IGF2R: variants seen among roughly 807,000 people sequenced by gnomAD.
The protein encoded by IGF2R is insulin like growth factor 2 receptor.
Under a neutral mutation model 270.6 loss-of-function variants are expected in IGF2R, and 91 were observed. That is an observed-to-expected ratio of 0.34 (90% confidence interval 0.28 to 0.40). The LOEUF (loss-of-function observed/expected upper bound fraction) is 0.40. Ranked by LOEUF, IGF2R falls within the 10% of genes least tolerant of loss-of-function variation. The pLI is 1.00. For synonymous variants in IGF2R, 1,316 were observed against 1,258.9 expected, an observed-to-expected ratio of 1.05 and a Z score of -0.96; for missense variants, 2,805 against 3,188.3, an observed-to-expected ratio of 0.88 and a Z score of 2.90.
At chr6:160,041,373 C>A (rs1190915181) in intron 11 of IGF2R, among the ~76,000 whole-genome samples, 1 of 152,028 alleles carries the variant, frequency 6.6e-6, no homozygotes, top group Admixed American at 6.5e-5. Context: ...TAATTACCAC[C>A]CAGAACAGTC....
intron 9 of IGF2R, among the ~76,000 whole-genome samples, chr6:160,033,315 T>G (rs1012231521): frequency 2.0e-5 from 3 of 152,188 alleles, no homozygotes; most frequent in African/African-American, 7.2e-5. Flanking sequence ...TTCTGTAGTT[T>G]TTGTAGACAT....
chr6:159,987,223 A>G (rs1302302628), intron 1 of IGF2R, among the ~76,000 whole-genome samples: 1 of 152,212 alleles, frequency 6.6e-6, no homozygotes, highest in African/African-American at 2.4e-5. Flanking sequence ...TTATTATGAA[A>G]TAGTCTTTAA....
In IGF2R at chr6:160,061,658, T is replaced by G. The variant is rs759112368; in HGVS notation, c.3406+12T>G. ...TCCTGGATGCCAGGGTGAGTTCTCC[T>G]TGGTCTCTTGATTGGCGTCTGTTCA... On this transcript the variant is annotated intron_variant, in intron 24 of 47. Transcript: ENST00000356956. 6.2e-7 allele frequency: 1 copy of G among 1,614,060 alleles called. No individual in the cohort carries two copies. Among genetic ancestry groups the G allele is most frequent in the South Asian group, 1.1e-5 (1 of 91,076 alleles).
intron 30 of IGF2R, 45 bp from the exon 31 acceptor site, chr6:160,069,823 T>G (rs1333382898): frequency 6.3e-7 from 1 of 1,581,480 alleles, no homozygotes; most frequent in Non-Finnish European, 8.7e-7. Context: ...TGTTCTAGCC[T>G]GGGGAGTCAC....
At chr6:160,018,899 A>G (rs1013894494) in intron 4 of IGF2R, among the ~76,000 whole-genome samples, 1 of 152,188 alleles carries the variant, frequency 6.6e-6, no homozygotes, top group African/African-American at 2.4e-5. Context: ...ATCACACTTC[A>G]AGGAACTAGA....
At chr6:160,057,185 G>A (rs1176248487) in intron 20 of IGF2R, among the ~76,000 whole-genome samples, 1 of 152,190 alleles carries the variant, frequency 6.6e-6, no homozygotes, top group Non-Finnish European at 1.5e-5. Flanking sequence ...GTGTTAATGT[G>A]CCACTTGAGT....
intron 26 of IGF2R, 86 bp downstream of exon 26, chr6:160,062,705 G>A: frequency 2.2e-6 from 2 of 913,026 alleles, no homozygotes; most frequent in Non-Finnish European, 3.5e-6. Context: ...GAGACCGTGT[G>A]ATAACAGCCA....
chr6:160,090,114 G>A lies in IGF2R; in HGVS notation c.6655+11G>A. ...AGTACTACCTTCAAGGTAATCCGTG[G>A]CTTCCCACAAAGTTCCACATTTAAC... On this transcript the variant is annotated intron_variant, in intron 44 of 47. Coordinates refer to ENST00000356956, the MANE Select transcript of IGF2R (RefSeq NM_000876.4). The A allele has an allele frequency of 2.8e-6, 4 of 1,431,216 alleles. No individual in the cohort carries two copies. The highest frequency in any genetic ancestry group is 3.7e-6 in the Non-Finnish European group (4 of 1,080,634). The allele number at this position is 1,431,216 out of a possible 1,614,324, so 88.7% of individuals were successfully genotyped here.
rs1226327630 is a variant in IGF2R, at chr6:160,058,887, C to T, written c.2899-19C>T. 6 of 1,611,354 alleles carry T rather than the reference C, an allele frequency of 3.7e-6. No individual in the cohort carries two copies. The highest frequency in any genetic ancestry group is 3.3e-5 in the South Asian group (3 of 90,980). On this transcript the variant is annotated intron_variant, in intron 21 of 47. Transcript: ENST00000356956. ...GAGGCATAAATTTGTTTGTATGGCT[C>T]TTACCGTCTGACCTGCAGTTTAATG...
At chr6:160,075,380 G>A (rs1024616820) in intron 35 of IGF2R, among the ~76,000 whole-genome samples, 1 of 152,194 alleles carries the variant, frequency 6.6e-6, no homozygotes, top group East Asian at 1.9e-4. Flanking sequence ...TTACTGCTGG[G>A]CCACGTCAGT....
At chr6:160,040,833 A>G in intron 11 of IGF2R, 109 bp downstream of exon 11, 2 of 1,103,864 alleles carry the variant, frequency 1.8e-6, no homozygotes, top group Non-Finnish European at 2.6e-6. Context: ...GGGTTGCGTC[A>G]CAGCCCTCCC....
intron 33 of IGF2R, 46 bp downstream of exon 33, chr6:160,072,930 TG>T (rs1267557078): frequency 2.5e-6 from 4 of 1,571,320 alleles, no homozygotes; most frequent in Non-Finnish European, 3.4e-6. Context: ...TCCCGTCCTC[TG>T]GGGTTGTCCT....
At chr6:159,997,797 A>G (rs181706189) in intron 2 of IGF2R, among the ~76,000 whole-genome samples, 2 of 152,360 alleles carry the variant, frequency 1.3e-5, no homozygotes, top group Admixed American at 1.3e-4. Context: ...AACTCTGTTC[A>G]GCTGTCTTGA....
intron 2 of IGF2R, among the ~76,000 whole-genome samples, chr6:160,000,725 G>GTTGTTTTTTTTTTTTTTTT (rs1562337908): frequency 3.4e-5 from 4 of 116,072 alleles, no homozygotes; most frequent in African/African-American, 1.4e-4. Flanking sequence ...TTGGTGTGAG[G>GTTGTTTTTTTTTTTTTTTT]TTGTTTTTTT....
chr6:160,074,255 CAAG>C lies in IGF2R; in HGVS notation c.5166+284_5166+286del, dbSNP rs1164433944. Reference sequence around the variant, plus strand: ...CATGAGCCTCAGGGTTGACCCAAATCAAGAAGTTTTTAGGTGAAGTGACAGGAA... The same window carrying C: ...CATGAGCCTCAGGGTTGACCCAAATCAAGTTTTTAGGTGAAGTGACAGGAA... On this transcript the variant is annotated intron_variant, in intron 35 of 47. Transcript: ENST00000356956. Among the ~76,000 whole-genome samples the C allele has an allele frequency of 2.6e-5, 4 of 152,316 alleles. No individual in the cohort carries two copies. In the East Asian group the frequency reaches 7.7e-4, roughly 29 times the overall value.
At position 160,094,029 on chromosome 6, in the gene IGF2R, G is replaced by A. The variant is rs149459914; in HGVS notation, c.6656-2410G>A. The A allele has an allele frequency of 1.2e-4, 71 of 599,288 alleles. 1 individual carries two copies. In the African/African-American group the frequency reaches 1.2e-3, roughly 10 times the overall value. 37.1% of individuals were successfully genotyped at this position (599,288 alleles called of 1,614,324 possible). A position where few individuals can be genotyped will look rare whatever the true frequency, so the allele number is the denominator to read the frequency against. Reference sequence around the variant, plus strand: ...ACAGCAAACTATTCCTTGCAGTCTAGTATTTAAGTACTGGAACTTGACAGT... The same window carrying A: ...ACAGCAAACTATTCCTTGCAGTCTAATATTTAAGTACTGGAACTTGACAGT... On this transcript the variant is annotated intron_variant, in intron 44 of 47. Coordinates refer to ENST00000356956, the MANE Select transcript of IGF2R (RefSeq NM_000876.4).
chr6:159,983,269 G>A (rs891168282), intron 1 of IGF2R, among the ~76,000 whole-genome samples: 7 of 152,208 alleles, frequency 4.6e-5, no homozygotes, highest in Non-Finnish European at 1.0e-4. Context: ...TAGCAGGAAA[G>A]TAGAAACACC....
chr6:160,050,920 T>C lies in IGF2R; in HGVS notation c.2694+268T>C, dbSNP rs1235301148. Among the ~76,000 whole-genome samples the C allele has an allele frequency of 6.6e-6, 1 of 152,176 alleles. No homozygotes were observed. Among genetic ancestry groups the C allele is most frequent in the East Asian group, 1.9e-4 (1 of 5,200 alleles). ...CATACACTGTTTCCTGGATTTTTTT[T>C]CTGAGTCGTACAGACATTATCTTGC... is the stretch of plus-strand genomic sequence containing the variant. On this transcript the variant is annotated intron_variant, in intron 19 of 47. Transcript: ENST00000356956. This position sits in a 1 kb window ranked among gnomAD's most constrained non-coding sequence, Gnocchi z 4.0.
chr6:159,987,579 A>T (rs1299204364), intron 1 of IGF2R, among the ~76,000 whole-genome samples: 1 of 152,146 alleles, frequency 6.6e-6, no homozygotes, highest in Non-Finnish European at 1.5e-5. Context: ...TTTAGTAGAG[A>T]CGGAGTTTCA....
Sources: gnomAD v4.1 joint callset for allele counts (sites outside exome capture counted in the v4.1 genomes callset) on GRCh38, gnomAD v4.1.1 for gene constraint, Gnocchi (gnomAD v3.1) non-coding constraint, MANE v1.5 for transcripts, NCBI Gene and HGNC (gene_info 2026-07-23, HGNC 2026-07-21) for gene names.